BAHD1: variants seen among roughly 807,000 people sequenced by gnomAD.
BAHD1 encodes the protein bromo adjacent homology domain-containing 1 protein.
In BAHD1, 20 loss-of-function variants were observed where a neutral mutation model predicts 63.1. The observed-to-expected ratio is 0.32, with a 90% confidence interval of 0.22 to 0.46. The LOEUF is 0.46. BAHD1 is among the 20% of genes least tolerant of loss of function. BAHD1 has a pLI of 1.00. For synonymous variants in BAHD1, 408 were observed against 426.8 expected (o/e 0.96, Z 0.54); for missense variants, 939 against 1,071.8 (o/e 0.88, Z 1.73).
chr15:40,442,934 C>T (rs1595844725), intron 1 of BAHD1, among the ~76,000 whole-genome samples: 2 of 152,300 alleles, frequency 1.3e-5, no homozygotes, highest in East Asian at 3.9e-4. Flanking sequence ...TGCTTAGGAA[C>T]CACTGGCTTA....
At chr15:40,447,687 G>A (rs939141089) in intron 1 of BAHD1, among the ~76,000 whole-genome samples, 10 of 152,114 alleles carry the variant, frequency 6.6e-5, no homozygotes, top group African/African-American at 2.4e-4. Context: ...TTGGCCCAGA[G>A]GGAGGTAGAC....
chr15:40,440,688 C>T (rs1333608127), upstream of BAHD1, among the ~76,000 whole-genome samples: 2 of 152,136 alleles, frequency 1.3e-5, no homozygotes, highest in Non-Finnish European at 2.9e-5. Context: ...CCCTTGCCAC[C>T]ACCCTTGGCA....
chr15:40,451,145 C>CAAAAAAA (rs397827665), intron 1 of BAHD1, among the ~76,000 whole-genome samples: 4 of 30,624 alleles, frequency 1.3e-4, no homozygotes, highest in Non-Finnish European at 3.4e-4. Flanking sequence ...AACTCCATCT[C>CAAAAAAA]AAAAAAAAAA....
rs1595859181 is a variant in BAHD1 at position 40,459,109 on chromosome 15, G to C, written c.645G>C (p.Leu215=). 5.6e-6 allele frequency: 9 copies of C among 1,613,072 alleles called. No individual in the cohort carries two copies. In the East Asian group the frequency reaches 2.0e-4, roughly 36 times the overall value. ...TGAACGCAGCTGCTTTCCTAAAACT[G>C]AGCCAGGAGCGGGAGCTACCCCTGC... ...ASLNAAAFLK[L]SQERELPLRL... is the part of the protein sequence containing the mutation. Residue 215 remains leucine (L), a synonymous_variant, in exon 2 of 7, where the codon CTG becomes CTC. Coordinates refer to ENST00000416165, the MANE Select transcript of BAHD1 (RefSeq NM_014952.5).
chr15:40,463,724 A>AT (rs982888375), intron 3 of BAHD1, 137 bp from the exon 4 acceptor site: 6 of 921,960 alleles, frequency 6.5e-6, no homozygotes, highest in Non-Finnish European at 9.8e-6. Flanking sequence ...CATCCAAAAA[A>AT]GGATAGTGGT....
chr15:40,448,630 G>A (rs756200728), intron 1 of BAHD1, among the ~76,000 whole-genome samples: 1 of 152,058 alleles, frequency 6.6e-6, no homozygotes, highest in Non-Finnish European at 1.5e-5. Flanking sequence ...TCCACCTACC[G>A]GGCTCAAGTG....
At position 40,463,885 on chromosome 15, in the gene BAHD1, A is replaced by C. The variant is rs1194079485; in HGVS notation, c.1840A>C (p.Lys614Gln). ...VLDEPEPAIR[K>Q]SYQAVERHGE... ...GGATGAGCCGGAGCCAGCCATCCGA[A>C]AGAGCTACCAGGCGGTAGAGCGGCA... The change falls in exon 4 of 7, where the codon AAG becomes CAG. Residue 614 changes from lysine to glutamine, a missense_variant. Around this residue, in one of 5 missense-constraint regions of BAHD1, gnomAD observed 35 missense variants for 56.5 expected, o/e 0.62. Transcript: ENST00000416165. 6.2e-7 allele frequency: 1 copy of C among 1,614,206 alleles called. No homozygotes were observed. The highest frequency in any genetic ancestry group is 1.7e-5 in the Admixed American group (1 of 60,026).
rs1458104332 is a variant in BAHD1, at chr15:40,459,318, C to G, written c.854C>G (p.Ser285Cys). 2.0e-5 allele frequency: 33 copies of G among 1,613,082 alleles called. No individual in the cohort carries two copies. The highest frequency in any genetic ancestry group is 2.7e-5 in the Non-Finnish European group (32 of 1,180,018). ...WQGCPDEPWP[S>C]ATPCGPSVQP... ...GGCTGCCCTGATGAACCATGGCCAT[C>G]TGCAACTCCTTGTGGGCCATCCGTC... The change falls in exon 2 of 7, where the codon TCT becomes TGT. Residue 285 changes from serine (S) to cysteine (C), a missense_variant. By Grantham distance (112) the Ser-to-Cys change is moderately radical. This residue lies in a region of BAHD1 where 797 missense variants were observed against 813.3 expected (regional missense o/e 0.98). Transcript: ENST00000416165.
chr15:40,440,849 C>G (rs1893375955), upstream of BAHD1, among the ~76,000 whole-genome samples: 1 of 152,020 alleles, frequency 6.6e-6, no homozygotes, highest in Non-Finnish European at 1.5e-5. Context: ...GCGGAGCCAG[C>G]GCAGGGCGGG....
chr15:40,442,183 A>G (rs1214495717), intron 1 of BAHD1, among the ~76,000 whole-genome samples: 1 of 151,720 alleles, frequency 6.6e-6, no homozygotes, highest in Non-Finnish European at 1.5e-5. Flanking sequence ...TTGGCGGTGA[A>G]GCGCCGGACA....
At position 40,444,488 on chromosome 15, in the gene BAHD1, G is replaced by A. The variant is rs563801082; in HGVS notation, c.-15+3220G>A. On this transcript the variant is annotated intron_variant, in intron 1 of 6. Transcript: ENST00000416165. ...TTCTACCCAGCTTTGCTGCTCTTAT[G>A]CAGTTTTCCTTGTTGTTCATGCTAA... Among the ~76,000 whole-genome samples the A allele has an allele frequency of 1.1e-3, 165 of 152,274 alleles. 3 individuals carry two copies. Among genetic ancestry groups the A allele is most frequent in the Non-Finnish European group, 7.8e-4 (53 of 68,016 alleles).
chr15:40,444,349 G>A (rs941283060), intron 1 of BAHD1, among the ~76,000 whole-genome samples: 3 of 152,130 alleles, frequency 2.0e-5, no homozygotes, highest in Admixed American at 2.0e-4. Context: ...TTTAACTGCT[G>A]TTTCTAATAT....
In BAHD1 at chr15:40,445,548, G is replaced by A. The variant is rs887824264; in HGVS notation, c.-15+4280G>A. ...GCCTCAGCACCCTGTCGCAAGGTGAGTCATTAAGGAGAATAAAAACCTTAA... is the reference window on the plus strand; with the variant it reads ...GCCTCAGCACCCTGTCGCAAGGTGAATCATTAAGGAGAATAAAAACCTTAA... On this transcript the variant is annotated intron_variant, in intron 1 of 6. Transcript: ENST00000416165. Among the ~76,000 whole-genome samples, 13 of 152,306 alleles carry A rather than the reference G, an allele frequency of 8.5e-5. No homozygotes were observed. The South Asian group carries it at 1.0e-3, about 12-fold the overall frequency.
intron 2 of BAHD1, among the ~76,000 whole-genome samples, chr15:40,460,608 G>A (rs139755959): frequency 6.6e-6 from 1 of 152,274 alleles, no homozygotes; most frequent in African/African-American, 2.4e-5. Context: ...CCATGCTCCG[G>A]CTGTTGAGAC....
intron 1 of BAHD1, among the ~76,000 whole-genome samples, chr15:40,441,758 GGGCCGC>G (rs1893409392): frequency 6.6e-6 from 1 of 150,386 alleles, no homozygotes; most frequent in Non-Finnish European, 1.5e-5. Context: ...CCGAGGCAAG[GGGCCGC>G]GGCCGGGGGC....
intron 1 of BAHD1, among the ~76,000 whole-genome samples, chr15:40,446,493 A>G (rs908802194): frequency 2.0e-5 from 3 of 152,190 alleles, no homozygotes; most frequent in Non-Finnish European, 4.4e-5. Context: ...ACCTGCAAGG[A>G]TGGTTATTCA....
At chr15:40,464,401 C>A in intron 4 of BAHD1, 70 bp from the exon 5 acceptor site, 1 of 1,370,236 alleles carries the variant, frequency 7.3e-7, no homozygotes, top group Admixed American at 1.9e-5. Context: ...GGGCAGCCAG[C>A]CAGCCTCTCT....
Position 40,466,493 on chromosome 15 carries a change from A to C in BAHD1, c.*363A>C. ...CAAGGTCTTTCAGGAACCAGACCCAACAGGCCCTTCTGTAGCCTCCCCCTT... is the reference window on the plus strand; with the variant it reads ...CAAGGTCTTTCAGGAACCAGACCCACCAGGCCCTTCTGTAGCCTCCCCCTT... On this transcript the variant is annotated 3_prime_UTR_variant, in exon 7 of 7. Transcript: ENST00000416165. The C allele has an allele frequency of 5.1e-6, 1 of 194,700 alleles. No individual in the cohort carries two copies. Among genetic ancestry groups the C allele is most frequent in the East Asian group, 1.5e-4 (1 of 6,854 alleles). 12.1% of individuals were successfully genotyped at this position (194,700 alleles called of 1,614,324 possible). A position where few individuals can be genotyped will look rare whatever the true frequency, so the allele number is the denominator to read the frequency against.
chr15:40,440,577 G>A (rs1277603098), upstream of BAHD1, among the ~76,000 whole-genome samples: 1 of 147,468 alleles, frequency 6.8e-6, no homozygotes, highest in African/African-American at 2.5e-5. Flanking sequence ...ATTTTTCCGG[G>A]GGGGCTAGCA....
Sources: gnomAD v4.1 joint callset for allele counts (sites outside exome capture counted in the v4.1 genomes callset) on GRCh38, gnomAD v4.1.1 for gene constraint, gnomAD v4.1.1 regional missense constraint, MANE v1.5 for transcripts, NCBI Gene and HGNC (gene_info 2026-07-23, HGNC 2026-07-21) for gene names.